The following RALGPS1 variants were observed in gnomAD, a reference collection of about 807,000 sequenced individuals.
The protein encoded by RALGPS1 is Ral GEF with PH domain and SH3 binding motif 1.
RALGPS1 carries 19 observed loss-of-function variants against 78.8 expected under a neutral mutation model. The ratio of observed to expected loss-of-function variants is 0.24; its 90% CI spans 0.17 to 0.35. The LOEUF (loss-of-function observed/expected upper bound fraction) is 0.35. RALGPS1 is among the 10% of genes least tolerant of loss of function. RALGPS1 has a pLI of 1.00. For missense variants in RALGPS1, 454 were observed against 688.3 expected, an observed-to-expected ratio of 0.66 and a Z score of 3.81; for synonymous variants, 228 against 256.3, an observed-to-expected ratio of 0.89 and a Z score of 1.06.
intron 17 of RALGPS1, among the ~76,000 whole-genome samples, chr9:127,214,338 T>G (rs145409438): frequency 6.6e-5 from 10 of 152,370 alleles, no homozygotes; most frequent in Admixed American, 1.3e-4. Context: ...AAATGTCACT[T>G]ATGCTCATCT....
intron 4 of RALGPS1, among the ~76,000 whole-genome samples, chr9:127,023,410 T>A (rs991647981): frequency 1.6e-4 from 24 of 152,196 alleles, no homozygotes; most frequent in African/African-American, 5.8e-4. Context: ...CACTTGCCCT[T>A]AATCCCTTTA....
intron 8 of RALGPS1, among the ~76,000 whole-genome samples, chr9:127,142,257 C>G (rs1208494545): frequency 6.6e-6 from 1 of 152,194 alleles, no homozygotes; most frequent in East Asian, 1.9e-4. Context: ...ATGGGAAGCC[C>G]TGGTCTCAGG....
intron 8 of RALGPS1, chr9:127,093,653 C>G: frequency 6.5e-7 from 1 of 1,539,858 alleles, no homozygotes; most frequent in Non-Finnish European, 8.9e-7. Flanking sequence ...TGAGTGGGCT[C>G]TTCTATTGGT....
At chr9:127,203,622 C>T (rs2061767825) in intron 14 of RALGPS1, among the ~76,000 whole-genome samples, 1 of 152,190 alleles carries the variant, frequency 6.6e-6, no homozygotes, top group Non-Finnish European at 1.5e-5. Flanking sequence ...CTCTCTGAAG[C>T]AAAGCCCATT....
intron 3 of RALGPS1, among the ~76,000 whole-genome samples, chr9:126,976,313 TCA>T (rs33925120): frequency 0.022 from 3,317 of 150,420 alleles, 108 homozygotes; most frequent in African/African-American, 0.074. Flanking sequence ...ACACTCATTC[TCA>T]CACACACACA....
At chr9:127,055,661 GC>G (rs2048680065) in intron 7 of RALGPS1, among the ~76,000 whole-genome samples, 1 of 152,172 alleles carries the variant, frequency 6.6e-6, no homozygotes, top group South Asian at 2.1e-4. Context: ...AAGTGGCAGG[GC>G]TAGGATCAAA....
chr9:126,936,023 A>G (rs2036225643), intron 1 of RALGPS1, among the ~76,000 whole-genome samples: 1 of 152,184 alleles, frequency 6.6e-6, no homozygotes, highest in Non-Finnish European at 1.5e-5. Flanking sequence ...CCCCGTTGTC[A>G]CCACAGGGAC....
intron 14 of RALGPS1, among the ~76,000 whole-genome samples, chr9:127,200,623 C>A (rs72766214): frequency 6.6e-6 from 1 of 152,212 alleles, no homozygotes; most frequent in African/African-American, 2.4e-5. Flanking sequence ...ATATGCCAGC[C>A]CTCAGAGGCT....
intron 8 of RALGPS1, among the ~76,000 whole-genome samples, chr9:127,126,577 C>A (rs769173969): frequency 6.6e-6 from 1 of 152,222 alleles, no homozygotes; most frequent in South Asian, 2.1e-4. Flanking sequence ...CAGTTTGGAT[C>A]ACTTCTCCTT....
chr9:126,986,277 TGA>T (rs113332323), intron 4 of RALGPS1, among the ~76,000 whole-genome samples: 1 of 152,164 alleles, frequency 6.6e-6, no homozygotes, highest in African/African-American at 2.4e-5. Flanking sequence ...CTCTAACGAG[TGA>T]CCAAGTTTAT....
At chr9:126,977,571 G>T in intron 3 of RALGPS1, 124 bp from the exon 4 acceptor site, 2 of 545,338 alleles carry the variant, frequency 3.7e-6, no homozygotes, top group Non-Finnish European at 6.1e-6. Flanking sequence ...ACTCTATTTG[G>T]TCTTGTTTTT....
intron 3 of RALGPS1, among the ~76,000 whole-genome samples, chr9:126,966,192 A>C (rs1032857440): frequency 2.0e-5 from 3 of 152,210 alleles, no homozygotes; most frequent in Non-Finnish European, 4.4e-5. Flanking sequence ...GAGCAGACTA[A>C]AGCAACGTTT....
chr9:127,130,565 T>C (rs941284462), intron 8 of RALGPS1, among the ~76,000 whole-genome samples: 1 of 152,242 alleles, frequency 6.6e-6, no homozygotes, highest in East Asian at 1.9e-4. Context: ...GCCTGCAGCC[T>C]GTATATGAAG....
intron 10 of RALGPS1, 24 bp from the exon 11 acceptor site, chr9:127,174,691 T>C (rs2059755181): frequency 6.2e-7 from 1 of 1,611,554 alleles, no homozygotes; most frequent in African/African-American, 1.3e-5. Context: ...GCCCATCTGA[T>C]CTTATGAAAA....
At chr9:127,043,154 A>G (rs897417745) in intron 5 of RALGPS1, among the ~76,000 whole-genome samples, 3 of 152,222 alleles carry the variant, frequency 2.0e-5, no homozygotes, top group African/African-American at 7.2e-5. Context: ...CTGTTTTACA[A>G]ATATCAACAC....
chr9:127,217,154 C>A, intron 18 of RALGPS1: 1 of 1,272,512 alleles, frequency 7.9e-7, no homozygotes, highest in Non-Finnish European at 9.9e-7. Context: ...ACTAATGGGT[C>A]AGTTTCATGT....
intron 8 of RALGPS1, among the ~76,000 whole-genome samples, chr9:127,105,681 GC>G: frequency 6.6e-6 from 1 of 152,240 alleles, no homozygotes; most frequent in Non-Finnish European, 1.5e-5. Context: ...AGAAATTTTG[GC>G]CTCGACGGAT....
chr9:126,990,626 C>T (rs1228573629), intron 4 of RALGPS1, among the ~76,000 whole-genome samples: 1 of 152,238 alleles, frequency 6.6e-6, no homozygotes. Context: ...TCTGCTCTGC[C>T]TCCGGGAGAT....
At chr9:127,014,963 A>G (rs1046309692) in intron 4 of RALGPS1, among the ~76,000 whole-genome samples, 3 of 152,270 alleles carry the variant, frequency 2.0e-5, no homozygotes, top group African/African-American at 7.2e-5. Flanking sequence ...CAAATGAAAT[A>G]GTAAAATCTA....
Sources: allele counts gnomAD v4.1 joint callset (sites outside exome capture counted in the v4.1 genomes callset), GRCh38; gene constraint gnomAD v4.1.1; transcripts MANE v1.5; gene names NCBI Gene and HGNC (gene_info 2026-07-23, HGNC 2026-07-21).